KLF7: variants seen among roughly 807,000 people sequenced by gnomAD.
The protein encoded by KLF7 is KLF transcription factor 7, also known as Krueppel-like factor 7.
KLF7 carries 2 observed loss-of-function variants against 27.3 expected under a neutral mutation model. The ratio of observed to expected loss-of-function variants is 0.07; its 90% CI spans 0.03 to 0.23. The LOEUF (loss-of-function observed/expected upper bound fraction) is 0.23, where lower values mean the gene tolerates loss of function less well. Among genes scored for constraint, KLF7 ranks in the 10% least tolerant of loss-of-function variants. KLF7 has a pLI of 1.00. For missense variants in KLF7, 221 were observed against 394.1 expected (o/e 0.56, Z 3.72); for synonymous variants, 165 against 162.4 (o/e 1.02, Z -0.12).
At chr2:207,131,579 AC>A (rs1245159489) in intron 1 of KLF7, among the ~76,000 whole-genome samples, 2 of 152,222 alleles carry the variant, frequency 1.3e-5, no homozygotes, top group East Asian at 3.9e-4. Flanking sequence ...AGACGTGTTT[AC>A]ATATCACTTT....
chr2:207,166,941 G>A, upstream of KLF7: 2 of 832,688 alleles, frequency 2.4e-6, no homozygotes, highest in South Asian at 5.5e-5. Context: ...CCCCGCGGGC[G>A]CCGCCGCCGC....
chr2:207,155,485 A>G (rs2078357762), intron 1 of KLF7, among the ~76,000 whole-genome samples: 1 of 152,236 alleles, frequency 6.6e-6, no homozygotes. Flanking sequence ...TGTGCCAATG[A>G]CAAAAGACCA....
intron 1 of KLF7, among the ~76,000 whole-genome samples, chr2:207,164,749 C>T (rs1447809120): frequency 2.0e-5 from 3 of 152,156 alleles, no homozygotes; most frequent in Admixed American, 6.5e-5. Flanking sequence ...TGCTGCCTAA[C>T]TAGAGAAGGA....
chr2:207,148,839 T>C (rs901838512), intron 1 of KLF7: 1 of 215,038 alleles, frequency 4.7e-6, no homozygotes, highest in Non-Finnish European at 8.7e-6. Flanking sequence ...CCCGGGGCCA[T>C]CTTTATGACT....
intron 1 of KLF7, among the ~76,000 whole-genome samples, chr2:207,151,412 G>A (rs2078244330): frequency 6.6e-6 from 1 of 152,016 alleles, no homozygotes; most frequent in Admixed American, 6.6e-5. Flanking sequence ...GGGAGGGATC[G>A]GAAAGAGATG....
upstream of KLF7, chr2:207,166,015 C>T: frequency 1.0e-6 from 1 of 970,808 alleles, no homozygotes; most frequent in Non-Finnish European, 1.2e-6. Context: ...GATCGCTTCT[C>T]TTCCCCCCCC....
chr2:207,167,043 G>A, upstream of KLF7: 2 of 1,095,312 alleles, frequency 1.8e-6, no homozygotes, highest in Non-Finnish European at 2.4e-6. Context: ...CCTGTTGCTC[G>A]ACTGTGCGTT....
chr2:207,168,117 G>T (rs1425069509), upstream of KLF7, among the ~76,000 whole-genome samples: 3 of 152,082 alleles, frequency 2.0e-5, no homozygotes, highest in African/African-American at 7.2e-5. Flanking sequence ...TGAATAATAG[G>T]GGAAGGAAAG....
At chr2:207,122,558 G>A (rs1036147656) in intron 2 of KLF7, among the ~76,000 whole-genome samples, 10 of 152,178 alleles carry the variant, frequency 6.6e-5, no homozygotes, top group South Asian at 2.1e-4. Flanking sequence ...CAACAGATGT[G>A]GAAAATGAGG....
intron 2 of KLF7, among the ~76,000 whole-genome samples, chr2:207,098,283 A>G (rs6734707): frequency 0.25 from 37,380 of 152,114 alleles, 5,209 homozygotes; most frequent in Middle Eastern, 0.32. Flanking sequence ...TTTGGTGATT[A>G]CCAGTTACAA....
intron 1 of KLF7, among the ~76,000 whole-genome samples, chr2:207,138,573 A>G (rs1397275593): frequency 6.6e-6 from 1 of 152,246 alleles, no homozygotes; most frequent in East Asian, 1.9e-4. Flanking sequence ...CAGTATCCAC[A>G]TTAAGAATTC....
At chr2:207,166,987 G>C, upstream of KLF7, 2 of 765,080 alleles carry the variant, frequency 2.6e-6, no homozygotes, top group Non-Finnish European at 3.4e-6. Flanking sequence ...GACCCCGAGC[G>C]AGAGACCTGG....
chr2:207,122,833 G>A (rs1051406314), intron 2 of KLF7, among the ~76,000 whole-genome samples: 7 of 152,192 alleles, frequency 4.6e-5, no homozygotes, highest in African/African-American at 1.7e-4. Context: ...CAAACAGTAT[G>A]CAAAAACCAT....
chr2:207,135,819 G>GAA (rs3216675), intron 1 of KLF7, among the ~76,000 whole-genome samples: 633 of 145,288 alleles, frequency 4.4e-3, no homozygotes, highest in African/African-American at 0.015. Context: ...TTTTCATTTG[G>GAA]AAAAAAAAAA....
intron 1 of KLF7, among the ~76,000 whole-genome samples, chr2:207,127,442 A>G (rs2077510721): frequency 6.6e-6 from 1 of 152,184 alleles, no homozygotes; most frequent in African/African-American, 2.4e-5. Flanking sequence ...TATGGAGATT[A>G]AAATGTTAAG....
chr2:207,099,185 G>A (rs902234061), intron 2 of KLF7, among the ~76,000 whole-genome samples: 1 of 152,060 alleles, frequency 6.6e-6, no homozygotes, highest in Non-Finnish European at 1.5e-5. Flanking sequence ...TTCTTGCAAG[G>A]AGGGTGGTAC....
rs2076220116 is a variant in KLF7 at position 207,078,894 on chromosome 2, G to C, written c.*2319C>G. Reference sequence around the variant, plus strand: ...GAGATTGTCAGCAAGCAGTGCTCCAGAAATTGTTTTTAAGTCATGTCTAGT... The same window carrying C: ...GAGATTGTCAGCAAGCAGTGCTCCACAAATTGTTTTTAAGTCATGTCTAGT... On this transcript the variant is annotated 3_prime_UTR_variant, in exon 4 of 4. Coordinates refer to ENST00000309446, the MANE Select transcript of KLF7 (RefSeq NM_003709.4). 6.6e-6 allele frequency: 1 copy of C among 152,158 alleles called. No homozygotes were observed. Among genetic ancestry groups the C allele is most frequent in the African/African-American group, 2.4e-5 (1 of 41,446 alleles). The allele number at this position is 152,158 out of a possible 1,614,324, so 9.4% of individuals were successfully genotyped here. A position where few individuals can be genotyped will look rare whatever the true frequency, so the allele number is the denominator to read the frequency against.
chr2:207,165,932 A>G lies in KLF7; in HGVS notation c.-364T>C, dbSNP rs2078695450. 5.6e-6 allele frequency: 6 copies of G among 1,079,246 alleles called. No homozygotes were observed. The highest frequency in any genetic ancestry group is 1.6e-5 in the African/African-American group (1 of 61,524). The allele number at this position is 1,079,246 out of a possible 1,614,324, so 66.9% of individuals were successfully genotyped here. A position where few individuals can be genotyped will look rare whatever the true frequency, so the allele number is the denominator to read the frequency against. ...ACTCACTGACACGAAGCTGCCATCTATTTCTGCAGCGCTGTTCGCTCCTAA... is the reference window on the plus strand; with the variant it reads ...ACTCACTGACACGAAGCTGCCATCTGTTTCTGCAGCGCTGTTCGCTCCTAA... On this transcript the variant is annotated 5_prime_UTR_variant, in exon 1 of 4. Transcript: ENST00000309446.
intron 1 of KLF7, among the ~76,000 whole-genome samples, chr2:207,159,988 A>G (rs1465204768): frequency 6.6e-6 from 1 of 152,174 alleles, no homozygotes; most frequent in Non-Finnish European, 1.5e-5. Flanking sequence ...ATCTTAGGTA[A>G]AAGCATGTCC....
Sources: gnomAD v4.1 joint callset for allele counts (sites outside exome capture counted in the v4.1 genomes callset) on GRCh38, gnomAD v4.1.1 for gene constraint, MANE v1.5 for transcripts, NCBI Gene and HGNC (gene_info 2026-07-23, HGNC 2026-07-21) for gene names.